The following CERS3 variants were observed in gnomAD, a reference collection of about 807,000 sequenced individuals.
CERS3 encodes the protein LAG1 homolog, ceramide synthase 3.
CERS3 carries 33 observed loss-of-function variants against 50.3 expected under a neutral mutation model. That is an observed-to-expected ratio of 0.66 (90% CI 0.50 to 0.88). The LOEUF is 0.88. Ranked by LOEUF, CERS3 falls within the 40% of genes least tolerant of loss-of-function variation. The probability of loss-of-function intolerance (pLI) is 0.00; values close to 1 mark genes in which losing one functional copy is unlikely to be tolerated. For synonymous variants in CERS3, 176 were observed against 155.2 expected, an observed-to-expected ratio of 1.13 and a Z score of -0.99; for missense variants, 470 against 460.3, an observed-to-expected ratio of 1.02 and a Z score of -0.19.
intron 11 of CERS3, among the ~76,000 whole-genome samples, chr15:100,438,171 A>G (rs970158592): frequency 6.7e-6 from 1 of 149,886 alleles, no homozygotes; most frequent in African/African-American, 2.4e-5. Flanking sequence ...CAGCCTCCCA[A>G]GTGGCTGGGG....
At chr15:100,530,928 C>CA (rs1250923002), upstream of CERS3, among the ~76,000 whole-genome samples, 2 of 151,882 alleles carry the variant, frequency 1.3e-5, no homozygotes, top group Admixed American at 6.6e-5. Flanking sequence ...ATTAAAAATA[C>CA]AAAAAATGAG....
intron 11 of CERS3, among the ~76,000 whole-genome samples, chr15:100,441,806 C>CG (rs1428319533): frequency 8.1e-6 from 1 of 123,492 alleles, no homozygotes; most frequent in East Asian, 2.9e-4. Context: ...TCAGTCCCCC[C>CG]CAGTCTGTGT....
intron 11 of CERS3, among the ~76,000 whole-genome samples, chr15:100,417,181 T>C (rs976197964): frequency 1.1e-4 from 17 of 151,664 alleles, no homozygotes; most frequent in East Asian, 5.9e-4. Context: ...CAGGTTCATC[T>C]CACTAGGGAG....
At position 100,479,979 on chromosome 15, in the gene CERS3, G is replaced by T; in HGVS notation, c.465+10C>A. 6.3e-7 allele frequency: 1 copy of T among 1,590,472 alleles called. No homozygotes were observed. The highest frequency in any genetic ancestry group is 8.6e-7 in the Non-Finnish European group (1 of 1,164,882). On this transcript the variant is annotated intron_variant, in intron 6 of 11. Transcript: ENST00000679737. ...CAAATTCCAATCGAAGATATAAAAAGATAACTTACATCATAAAGAAACGCA... is the reference window on the plus strand; with the variant it reads ...CAAATTCCAATCGAAGATATAAAAATATAACTTACATCATAAAGAAACGCA...
chr15:100,518,672 ATACTGTGC>A (rs2036559656), intron 2 of CERS3, among the ~76,000 whole-genome samples: 1 of 152,226 alleles, frequency 6.6e-6, no homozygotes, highest in Non-Finnish European at 1.5e-5. Context: ...ATGTGAGACG[ATACTGTGC>A]TAACATACAC....
chr15:100,450,037 T>C (rs1214373445), intron 11 of CERS3, among the ~76,000 whole-genome samples: 1 of 151,864 alleles, frequency 6.6e-6, no homozygotes, highest in Non-Finnish European at 1.5e-5. Flanking sequence ...ACCAAAGAGA[T>C]AGAGATCGTA....
chr15:100,498,839 G>C (rs2035910244), intron 3 of CERS3, among the ~76,000 whole-genome samples: 1 of 152,224 alleles, frequency 6.6e-6, no homozygotes, highest in African/African-American at 2.4e-5. Flanking sequence ...CAGTTCCTAA[G>C]GATTCAGAGG....
chr15:100,403,955 G>T (rs1399041232), intron 11 of CERS3, among the ~76,000 whole-genome samples: 1 of 152,190 alleles, frequency 6.6e-6, no homozygotes, highest in Non-Finnish European at 1.5e-5. Context: ...GATGAGAATA[G>T]TATCCTAGAT....
chr15:100,475,238 T>C (rs1477495085), intron 8 of CERS3, among the ~76,000 whole-genome samples: 2 of 152,240 alleles, frequency 1.3e-5, no homozygotes, highest in Non-Finnish European at 2.9e-5. Flanking sequence ...TATGTGCTTA[T>C]ACTTAGATTT....
intron 2 of CERS3, among the ~76,000 whole-genome samples, chr15:100,518,406 A>C (rs1434299814): frequency 2.0e-5 from 3 of 152,292 alleles, no homozygotes; most frequent in South Asian, 2.1e-4. Flanking sequence ...TTAGAGAATA[A>C]ATTTCATTTA....
rs370946573 is a variant in CERS3, at chr15:100,402,884, T to G, written c.1000-19A>C. On this transcript the variant is annotated intron_variant, in intron 11 of 11. Coordinates refer to ENST00000679737, the MANE Select transcript of CERS3 (RefSeq NM_001378789.1). ...GGATGCTCTAGACAAAGGAAAGAAT[T>G]GGCTGTGAGTGACAATCTTCCAGGA... 1.3e-6 allele frequency: 2 copies of G among 1,565,236 alleles called. No individual in the cohort carries two copies. Among genetic ancestry groups the G allele is most frequent in the East Asian group, 2.4e-5 (1 of 42,454 alleles).
At chr15:100,402,977 C>G (rs1218345256) in intron 11 of CERS3, 112 bp from the exon 12 acceptor site, 2 of 1,045,522 alleles carry the variant, frequency 1.9e-6, no homozygotes, top group Non-Finnish European at 2.7e-6. Context: ...ACCCAATATC[C>G]AAATAACTAA....
chr15:100,501,562 A>T, intron 3 of CERS3, 115 bp downstream of exon 3: 2 of 834,492 alleles, frequency 2.4e-6, no homozygotes, highest in Non-Finnish European at 3.7e-6. Flanking sequence ...GTGGCCCATT[A>T]GTGGCAACCT....
In CERS3 at chr15:100,442,744, C is replaced by T. The variant is rs1023052561; in HGVS notation, c.999+13149G>A. 8.2e-3 allele frequency among the ~76,000 whole-genome samples: 1,214 copies of T among 148,550 alleles called. 5 individuals carry two copies. Among genetic ancestry groups the T allele is most frequent in the African/African-American group, 0.028 (1,062 of 38,332 alleles). On this transcript the variant is annotated intron_variant, in intron 11 of 11. Coordinates refer to ENST00000679737, the MANE Select transcript of CERS3 (RefSeq NM_001378789.1). ...TGACTGACTCCTTCCCAGATCTTCT[C>T]GGCTTAGCAGCTGAAGACTGACACT...
chr15:100,418,601 A>G (rs1238737257), intron 11 of CERS3, among the ~76,000 whole-genome samples: 1 of 142,474 alleles, frequency 7.0e-6, no homozygotes, highest in African/African-American at 2.6e-5. Flanking sequence ...ATACTCCTCG[A>G]GAAGAGCAAC....
Position 100,497,852 on chromosome 15 carries a change from T to TACAC in CERS3, c.173+3821_173+3824dup, listed in dbSNP as rs57343426. On this transcript the variant is annotated intron_variant, in intron 3 of 11. Coordinates refer to ENST00000679737, the MANE Select transcript of CERS3 (RefSeq NM_001378789.1). ...TTTGTTTTACTGGATACCTATCTCT[T>TACAC]ACACACACACACACACACACACACA... 1.9e-3 allele frequency among the ~76,000 whole-genome samples: 208 copies of TACAC among 108,808 alleles called. 1 individual carries two copies. The highest frequency in any genetic ancestry group is 7.0e-3 in the African/African-American group (193 of 27,444). The allele number at this position is 108,808 out of a possible 152,430, so 71.4% of individuals were successfully genotyped here. A position where few individuals can be genotyped will look rare whatever the true frequency, so the allele number is the denominator to read the frequency against.
Position 100,423,732 on chromosome 15 carries a change from A to C in CERS3, c.1000-20867T>G, listed in dbSNP as rs761209077. ...ATTTACCCAAGTAACAAACCTGTAC[A>C]TGTGCCCCCTGAACCTAAAACAAAA... On this transcript the variant is annotated intron_variant, in intron 11 of 11. Transcript: ENST00000679737. Among the ~76,000 whole-genome samples the C allele has an allele frequency of 3.3e-5, 5 of 152,144 alleles. No individual in the cohort carries two copies. In the South Asian group the frequency reaches 1.0e-3, roughly 31 times the overall value.
chr15:100,512,942 T>A (rs1157459742), intron 2 of CERS3, among the ~76,000 whole-genome samples: 1 of 152,192 alleles, frequency 6.6e-6, no homozygotes. Flanking sequence ...TTCCAAAATT[T>A]AATGTCTCCA....
chr15:100,481,306 ATGGCT>A, intron 5 of CERS3, among the ~76,000 whole-genome samples: 1 of 152,336 alleles, frequency 6.6e-6, no homozygotes, highest in Non-Finnish European at 1.5e-5. Context: ...GTCTTTCTTC[ATGGCT>A]TGTTTTGATA....
Sources: allele counts gnomAD v4.1 joint callset (sites outside exome capture counted in the v4.1 genomes callset), GRCh38; gene constraint gnomAD v4.1.1; transcripts MANE v1.5; gene names NCBI Gene and HGNC (gene_info 2026-07-23, HGNC 2026-07-21).